The following BLTP3B variants were observed in gnomAD, a reference collection of about 807,000 sequenced individuals.
The protein encoded by BLTP3B is UHRF1 (ICBP90) binding protein 1-like.
the BLTP3B span, chr12:100,108,512 T>G: frequency 6.2e-7 from 1 of 1,612,214 alleles, no homozygotes; most frequent in Non-Finnish European, 8.5e-7. Context: ...TAAGGGTACT[T>G]AGATTTATCT....
the BLTP3B span, among the ~76,000 whole-genome samples, chr12:100,110,501 T>C: frequency 6.6e-6 from 1 of 152,050 alleles, no homozygotes; most frequent in South Asian, 2.1e-4. Flanking sequence ...CAACACTCAA[T>C]AAGTATTTAT....
At chr12:100,122,482 A>G in the BLTP3B span, among the ~76,000 whole-genome samples, 1 of 152,184 alleles carries the variant, frequency 6.6e-6, no homozygotes, top group South Asian at 2.1e-4. Flanking sequence ...CAGTTCAACC[A>G]TATTTACTGA....
chr12:100,047,505 TAAAC>T, the BLTP3B span: 9 of 1,549,006 alleles, frequency 5.8e-6, no homozygotes, highest in East Asian at 6.8e-5. Context: ...ATCTCATAAA[TAAAC>T]AAATAGTTTT....
At chr12:100,039,401 G>A in the BLTP3B span, among the ~76,000 whole-genome samples, 11 of 152,128 alleles carry the variant, frequency 7.2e-5, no homozygotes, top group Non-Finnish European at 1.6e-4. Flanking sequence ...TAGCACTGGA[G>A]GAAGGCAGAA....
the BLTP3B span, chr12:100,092,991 C>A: frequency 5.1e-6 from 5 of 983,700 alleles, no homozygotes; most frequent in African/African-American, 8.7e-5. Context: ...GAACTTTTCT[C>A]TCTTCCTTAT....
At chr12:100,107,289 C>CAAAAAAA in the BLTP3B span, among the ~76,000 whole-genome samples, 11 of 35,340 alleles carry the variant, frequency 3.1e-4, no homozygotes, top group Admixed American at 4.5e-4. Flanking sequence ...CTCCATCTCC[C>CAAAAAAA]AAAAAAAAAA....
the BLTP3B span, chr12:100,058,877 C>T: frequency 1.1e-5 from 17 of 1,613,680 alleles, no homozygotes; most frequent in African/African-American, 1.1e-4. Context: ...CTGCCTCTGA[C>T]GAGGAAGGGG....
the BLTP3B span, chr12:100,047,619 C>G: frequency 6.5e-5 from 104 of 1,611,466 alleles, no homozygotes; most frequent in Non-Finnish European, 8.7e-5. Context: ...GGATACTGTA[C>G]TACTCCGGGG....
At chr12:100,100,006 G>T in the BLTP3B span, among the ~76,000 whole-genome samples, 6 of 150,450 alleles carry the variant, frequency 4.0e-5, no homozygotes, top group Non-Finnish European at 8.9e-5. Flanking sequence ...AAAAAAAAAT[G>T]CTATTCTCAG....
the BLTP3B span, among the ~76,000 whole-genome samples, chr12:100,050,921 T>C: frequency 2.6e-5 from 4 of 152,050 alleles, no homozygotes; most frequent in Non-Finnish European, 4.4e-5. Flanking sequence ...GGAAAAACGA[T>C]TGGGGGGAGG....
the BLTP3B span, among the ~76,000 whole-genome samples, chr12:100,134,568 G>A: frequency 4.6e-5 from 7 of 151,742 alleles, no homozygotes; most frequent in Admixed American, 1.3e-4. Flanking sequence ...AGTGAGCTGA[G>A]ATTGTGCCAC....
the BLTP3B span, chr12:100,072,823 TA>T: frequency 6.3e-7 from 1 of 1,581,428 alleles, no homozygotes; most frequent in African/African-American, 1.4e-5. Flanking sequence ...CCTGAAAAGA[TA>T]AATAAGTTTA....
At chr12:100,055,464 G>A in the BLTP3B span, among the ~76,000 whole-genome samples, 1 of 151,946 alleles carries the variant, frequency 6.6e-6, no homozygotes, top group African/African-American at 2.4e-5. Context: ...ATCACCTGAG[G>A]CCAGGAATTT....
chr12:100,124,960 A>T, the BLTP3B span, among the ~76,000 whole-genome samples: 1 of 111,610 alleles, frequency 9.0e-6, no homozygotes, highest in Non-Finnish European at 1.8e-5. Context: ...ATATATATAT[A>T]TATATATATA....
At chr12:100,087,073 C>T in the BLTP3B span, among the ~76,000 whole-genome samples, 5 of 144,588 alleles carry the variant, frequency 3.5e-5, no homozygotes, top group South Asian at 4.5e-4. Context: ...GCAGGAGAAT[C>T]GCTTGAACCT....
At chr12:100,110,011 C>T in the BLTP3B span, among the ~76,000 whole-genome samples, 1 of 152,114 alleles carries the variant, frequency 6.6e-6, no homozygotes, top group East Asian at 1.9e-4. Flanking sequence ...CTTTGAAATA[C>T]ATTCATATAC....
At chr12:100,070,511 C>A in the BLTP3B span, among the ~76,000 whole-genome samples, 2 of 152,092 alleles carry the variant, frequency 1.3e-5, no homozygotes, top group Non-Finnish European at 2.9e-5. Context: ...CCCGCCTCAG[C>A]CTCCTAAAGT....
chr12:100,135,969 T>C, the BLTP3B span, among the ~76,000 whole-genome samples: 7 of 152,096 alleles, frequency 4.6e-5, no homozygotes, highest in Non-Finnish European at 1.0e-4. Context: ...TCCCAGCACT[T>C]TGGGAGGCCA....
the BLTP3B span, among the ~76,000 whole-genome samples, chr12:100,085,372 A>G: frequency 6.6e-6 from 1 of 152,102 alleles, no homozygotes; most frequent in Non-Finnish European, 1.5e-5. Context: ...AATTTACTCT[A>G]TGAATGTTTC....
Sources: gnomAD v4.1 joint callset for allele counts (sites outside exome capture counted in the v4.1 genomes callset) on GRCh38, gnomAD v4.1.1 for gene constraint, MANE v1.5 for transcripts, NCBI Gene and HGNC (gene_info 2026-07-23, HGNC 2026-07-21) for gene names.